Variants in NISCH observed in about 807,000 individuals in gnomAD.
NISCH encodes I-1 receptor candidate protein.
A neutral mutation model predicts 138.4 loss-of-function variants in NISCH; 55 were observed. The observed-to-expected ratio is 0.40, with a 90% confidence interval of 0.32 to 0.50. NISCH has a LOEUF of 0.50. Ranked by LOEUF, NISCH falls within the 20% of genes least tolerant of loss-of-function variation. NISCH has a pLI of 0.71. For missense variants in NISCH, 1,643 were observed against 2,005.5 expected (o/e 0.82, Z 3.45); for synonymous variants, 860 against 861.5 (o/e 1.00, Z 0.03).
rs1707422073 is a variant in NISCH, at chr3:52,487,202, A to G, written c.1710A>G (p.Glu570=). ...CTGGCCTCTCCCTGCACAGCCCAGA[A>G]CATGCCGAGCCGGAGGTCCAGGTGG... ...VPGAVGGASP[E]HAEPEVQVVP... Residue 570 remains glutamate, a synonymous_variant, in exon 16 of 21, where the codon GAA becomes GAG. Transcript: ENST00000345716. The surrounding 1 kb of genome is among the most constrained non-coding windows in gnomAD (Gnocchi z 9.1). The G allele has an allele frequency of 2.5e-6, 4 of 1,613,418 alleles. No homozygotes were observed. The East Asian group carries it at 6.7e-5, about 27-fold the overall frequency.
intron 13 of NISCH, chr3:52,482,003 C>A: frequency 1.2e-6 from 1 of 813,802 alleles, no homozygotes; most frequent in Non-Finnish European, 1.5e-6. Flanking sequence ...CGCTGAGTGC[C>A]CTTTCTGACC....
chr3:52,478,024 G>T, intron 9 of NISCH, 73 bp from the exon 10 acceptor site: 1 of 1,510,796 alleles, frequency 6.6e-7, no homozygotes, highest in Non-Finnish European at 9.1e-7. Flanking sequence ...GGCCCATCCT[G>T]CCATTAGTGT....
rs996114746 is a variant in NISCH at position 52,480,452 on chromosome 3, C to T, written c.1528+157C>T. On this transcript the variant is annotated intron_variant, in intron 13 of 20. Transcript: ENST00000345716. ...CTGCAGGCTGGTCCTCGCGGGGGGA[C>T]ACATGGCAGGGGTGCCTGGCCTGAT... The T allele has an allele frequency of 1.3e-5, 20 of 1,538,626 alleles. No individual in the cohort carries two copies. The African/African-American group carries it at 1.9e-4, about 15-fold the overall frequency.
intron 3 of NISCH, among the ~76,000 whole-genome samples, chr3:52,461,867 A>T (rs1333107278): frequency 6.6e-6 from 1 of 151,988 alleles, no homozygotes; most frequent in Non-Finnish European, 1.5e-5. Flanking sequence ...CGTCACAAAA[A>T]AAAAAAAAAA....
rs1402795446 is a variant in NISCH at position 52,487,575 on chromosome 3, G to C, written c.2083G>C (p.Gly695Arg). Residue 695 changes from glycine (G) to arginine (R), a missense_variant, in exon 16 of 21, where the codon GGC becomes CGC. By Grantham distance (125) the Gly-to-Arg change is moderately radical. Transcript: ENST00000345716. This position sits in a 1 kb window ranked among gnomAD's most constrained non-coding sequence, Gnocchi z 9.1. ...EERLALEWAL[G>R]ADEDFLLEHI... ...GCGCCTGGCTCTGGAATGGGCCCTG[G>C]GCGCGGACGAGGACTTCCTGCTGGA... 6.2e-7 allele frequency: 1 copy of C among 1,612,984 alleles called. No homozygotes were observed. The highest frequency in any genetic ancestry group is 1.1e-5 in the South Asian group (1 of 91,062).
chr3:52,459,401 G>T (rs1236763690), intron 3 of NISCH, among the ~76,000 whole-genome samples: 1 of 152,210 alleles, frequency 6.6e-6, no homozygotes, highest in East Asian at 1.9e-4. Context: ...TGCGTTGTCA[G>T]ACTTTAAGAA....
intron 9 of NISCH, 87 bp downstream of exon 9, chr3:52,477,729 T>C: frequency 6.1e-6 from 7 of 1,148,932 alleles, no homozygotes; most frequent in Non-Finnish European, 9.2e-6. Flanking sequence ...CCTTGGGAAT[T>C]GGCCAGGGGT....
intron 3 of NISCH, among the ~76,000 whole-genome samples, chr3:52,464,756 C>T (rs1349993611): frequency 1.3e-5 from 2 of 152,064 alleles, no homozygotes; most frequent in Non-Finnish European, 2.9e-5. Flanking sequence ...AACTCCTGAC[C>T]TTAGGTGATA....
chr3:52,464,542 T>TG (rs1553653705), intron 3 of NISCH, among the ~76,000 whole-genome samples: 2 of 146,344 alleles, frequency 1.4e-5, no homozygotes, highest in Non-Finnish European at 3.0e-5. Context: ...TTTTTTTTTT[T>TG]GAGACAGATT....
rs1707009568 is a variant in NISCH, at chr3:52,473,602, G to A, written c.670-132G>A. Reference sequence around the variant, plus strand: ...GGAAAAAGAGACACTTTGGTCTTGAGTGGCCTCCCATCTCTGAGGATTTGG... The same window carrying A: ...GGAAAAAGAGACACTTTGGTCTTGAATGGCCTCCCATCTCTGAGGATTTGG... On this transcript the variant is annotated intron_variant, in intron 6 of 20. Coordinates refer to ENST00000345716, the MANE Select transcript of NISCH (RefSeq NM_007184.4). 2 of 566,216 alleles carry A rather than the reference G, an allele frequency of 3.5e-6. 1 individual carries two copies. The highest frequency in any genetic ancestry group is 6.4e-6 in the Non-Finnish European group (2 of 314,716). 35.1% of individuals were successfully genotyped at this position (566,216 alleles called of 1,614,324 possible).
rs774750500 is a variant in NISCH, at chr3:52,487,764, C to T, written c.2272C>T (p.Arg758Cys). Reference protein sequence around the residue: ...GSSQHILSSLRFVFCFPHGDL... With the variant: ...GSSQHILSSLCFVFCFPHGDL... ...CAGCCAGCACATCCTCTCCTCCCTG[C>T]GCTTTGTCTTTTGCTTCCCGCATGG... The change falls in exon 16 of 21, where the codon CGC becomes TGC. Residue 758 changes from arginine to cysteine, a missense_variant. Transcript: ENST00000345716. This position sits in a 1 kb window ranked among gnomAD's most constrained non-coding sequence, Gnocchi z 9.1. 6 of 1,613,806 alleles carry T rather than the reference C, an allele frequency of 3.7e-6. No individual in the cohort carries two copies. Among genetic ancestry groups the T allele is most frequent in the South Asian group, 2.2e-5 (2 of 91,080 alleles).
intron 13 of NISCH, 51 bp from the exon 14 acceptor site, chr3:52,484,462 T>TGGGGCCCCCCCCCC: frequency 1.0e-5 from 8 of 788,668 alleles, no homozygotes; most frequent in Non-Finnish European, 1.5e-5. Context: ...ACAGCCGCTC[T>TGGGGCCCCCCCCCC]CCCCGCCCCA....
rs370031657 is a variant in NISCH, at chr3:52,488,159, C to T, written c.2667C>T (p.Ala889=). ...GGGCCAGCTGCACACTCTGTTCAGCCGTGCGGCGCTCCTGCTGCGCGCCCT... is the reference window on the plus strand; with the variant it reads ...GGGCCAGCTGCACACTCTGTTCAGCTGTGCGGCGCTCCTGCTGCGCGCCCT... The part of the protein sequence containing the change: ...IEWASCTLCS[A]VRRSCCAPSE... Residue 889 remains alanine (A), a synonymous_variant, in exon 16 of 21, where the codon GCC becomes GCT. Coordinates refer to ENST00000345716, the MANE Select transcript of NISCH (RefSeq NM_007184.4). 2.1e-4 allele frequency: 333 copies of T among 1,613,320 alleles called. No homozygotes were observed. The South Asian group carries it at 3.1e-3, about 15-fold the overall frequency.
intron 1 of NISCH, among the ~76,000 whole-genome samples, chr3:52,456,686 C>G (rs1706481632): frequency 6.6e-6 from 1 of 152,240 alleles, no homozygotes; most frequent in Non-Finnish European, 1.5e-5. Flanking sequence ...TGGCTCTTTT[C>G]TCCTTTCCTG....
At chr3:52,476,166 C>T in intron 7 of NISCH, 1 of 380,340 alleles carries the variant, frequency 2.6e-6, no homozygotes, top group Non-Finnish European at 4.9e-6. Flanking sequence ...GAAAAGGCAT[C>T]ACCAGGTCAC....
At chr3:52,475,148 G>A (rs1707062856) in intron 7 of NISCH, among the ~76,000 whole-genome samples, 1 of 151,350 alleles carries the variant, frequency 6.6e-6, no homozygotes, top group Admixed American at 6.6e-5. Flanking sequence ...CTTGAGCCTA[G>A]GAGTTGGAGA....
At position 52,489,569 on chromosome 3, in the gene NISCH, CGGA is replaced by C; in HGVS notation, c.3352_3354del (p.Glu1118del). 6.2e-7 allele frequency: 1 copy of C among 1,613,276 alleles called. No individual in the cohort carries two copies. The highest frequency in any genetic ancestry group is 8.5e-7 in the Non-Finnish European group (1 of 1,179,996). ...AGTGAGCACCTCATCCAGGCCACCTCGGAGGAGAATCAGATCCCCTCGCACTTG... is the reference window on the plus strand; with the variant it reads ...AGTGAGCACCTCATCCAGGCCACCTCGGAGAATCAGATCCCCTCGCACTTG... On this transcript the variant is annotated inframe_deletion, in exon 17 of 21. Coordinates refer to ENST00000345716, the MANE Select transcript of NISCH (RefSeq NM_007184.4).
intron 11 of NISCH, among the ~76,000 whole-genome samples, chr3:52,479,418 A>G (rs1451580526): frequency 6.6e-6 from 1 of 151,798 alleles, no homozygotes; most frequent in Non-Finnish European, 1.5e-5. Flanking sequence ...TTGCCCCCTT[A>G]CCCTAGTCCC....
rs1408480810 is a variant in NISCH at position 52,492,735 on chromosome 3, T to C, written c.*253T>C. 2 of 529,342 alleles carry C rather than the reference T, an allele frequency of 3.8e-6. No individual in the cohort carries two copies. Among genetic ancestry groups the C allele is most frequent in the African/African-American group, 3.8e-5 (2 of 53,050 alleles). The allele number at this position is 529,342 out of a possible 1,614,324, so 32.8% of individuals were successfully genotyped here. A position where few individuals can be genotyped will look rare whatever the true frequency, so the allele number is the denominator to read the frequency against. On this transcript the variant is annotated 3_prime_UTR_variant, in exon 21 of 21. Coordinates refer to ENST00000345716, the MANE Select transcript of NISCH (RefSeq NM_007184.4). ...TACAGCCGTGCACACCAGTGTCGTG[T>C]CTGCTGTTGTGGGACCGTTGTTAAC...
Sources: gnomAD v4.1 joint callset for allele counts (sites outside exome capture counted in the v4.1 genomes callset) on GRCh38, gnomAD v4.1.1 for gene constraint, Gnocchi (gnomAD v3.1) non-coding constraint, MANE v1.5 for transcripts, NCBI Gene and HGNC (gene_info 2026-07-23, HGNC 2026-07-21) for gene names.